The following SPARCL1 variants were observed in gnomAD, a reference collection of about 807,000 sequenced individuals.
SPARCL1 encodes the protein SPARC like 1.
Under a neutral mutation model 67.1 loss-of-function variants are expected in SPARCL1, and 52 were observed. The observed-to-expected ratio is 0.78, with a 90% CI of 0.62 to 0.98. SPARCL1 has a LOEUF of 0.98. Among genes scored for constraint, SPARCL1 ranks in the 50% least tolerant of loss-of-function variants. The pLI is 0.00. For missense variants in SPARCL1, 717 were observed against 782.4 expected, an observed-to-expected ratio of 0.92 and a Z score of 1.00; for synonymous variants, 226 against 267.8, an observed-to-expected ratio of 0.84 and a Z score of 1.52.
intron 1 of SPARCL1, among the ~76,000 whole-genome samples, chr4:87,502,279 AT>A (rs1488671897): frequency 1.3e-5 from 2 of 152,186 alleles, no homozygotes; most frequent in Non-Finnish European, 2.9e-5. Flanking sequence ...TCAAACAGTT[AT>A]TATTTCTTTG....
chr4:87,501,736 C>T (rs1397337756), intron 1 of SPARCL1, among the ~76,000 whole-genome samples: 2 of 151,646 alleles, frequency 1.3e-5, no homozygotes, highest in African/African-American at 4.8e-5. Flanking sequence ...CTCATTAGGC[C>T]CTTTGAATTT....
chr4:87,495,801 G>C (rs1358500990), intron 2 of SPARCL1, among the ~76,000 whole-genome samples: 1 of 152,068 alleles, frequency 6.6e-6, no homozygotes, highest in Admixed American at 6.6e-5. Context: ...TGTGGTGGTG[G>C]GTGCCTGTAA....
chr4:87,523,849 T>C (rs898774110), intron 1 of SPARCL1, among the ~76,000 whole-genome samples: 1 of 152,346 alleles, frequency 6.6e-6, no homozygotes, highest in African/African-American at 2.4e-5. Flanking sequence ...GTTGAGGATG[T>C]TCTCACTAGA....
At chr4:87,476,410 G>A (rs1041384724) in intron 10 of SPARCL1, among the ~76,000 whole-genome samples, 1 of 151,886 alleles carries the variant, frequency 6.6e-6, no homozygotes, top group Non-Finnish European at 1.5e-5. Context: ...GTTCTCATCA[G>A]CTCTTGCCTG....
chr4:87,473,811 A>G lies in SPARCL1; in HGVS notation c.1967-8T>C. 2 of 1,601,232 alleles carry G rather than the reference A, an allele frequency of 1.2e-6. No homozygotes were observed. Among genetic ancestry groups the G allele is most frequent in the Non-Finnish European group, 1.7e-6 (2 of 1,170,598 alleles). ...GATTTTCATCTATGTCCTCTATAAA[A>G]AAACAAGAAGCAAAATGACACTTTT... is the stretch of plus-strand genomic sequence containing the variant. On this transcript the variant is annotated splice_region_variant and splice_polypyrimidine_tract_variant and intron_variant, in intron 10 of 10. Coordinates refer to ENST00000282470, the MANE Select transcript of SPARCL1 (RefSeq NM_004684.6).
chr4:87,479,648 C>G (rs1157806586), intron 9 of SPARCL1, 70 bp from the exon 10 acceptor site: 4 of 1,490,328 alleles, frequency 2.7e-6, no homozygotes, highest in Non-Finnish European at 3.7e-6. Flanking sequence ...TCAGGCTCAC[C>G]AAGGACATTT....
In SPARCL1 at chr4:87,496,022, ATTAGAGGGATGGTCCTAT is replaced by A. The variant is rs201110477; in HGVS notation, c.55-913_55-896del. 1.5e-3 allele frequency among the ~76,000 whole-genome samples: 224 copies of A among 152,236 alleles called. 2 individuals are homozygous for A. In the East Asian group the frequency reaches 0.036, roughly 24 times the overall value. On this transcript the variant is annotated intron_variant, in intron 2 of 10. Coordinates refer to ENST00000282470, the MANE Select transcript of SPARCL1 (RefSeq NM_004684.6). ...GGGCATGTCTGGAGTATTAATTTCT[ATTAGAGGGATGGTCCTAT>A]TTCTAGCAAGATTGGAGACTTGGAT... is the stretch of plus-strand genomic sequence containing the variant.
At chr4:87,504,205 T>TGGGGG (rs1724983967) in intron 1 of SPARCL1, among the ~76,000 whole-genome samples, 5 of 104,622 alleles carry the variant, frequency 4.8e-5, no homozygotes, top group Non-Finnish European at 1.1e-4. Flanking sequence ...GTGGGAGGGT[T>TGGGGG]GAATCAGGGG....
At chr4:87,527,804 T>C (rs908003530) in intron 1 of SPARCL1, among the ~76,000 whole-genome samples, 1 of 152,196 alleles carries the variant, frequency 6.6e-6, no homozygotes, top group Non-Finnish European at 1.5e-5. Flanking sequence ...TGCTCTGCTT[T>C]GCTAGATCTT....
At position 87,513,789 on chromosome 4, in the gene SPARCL1, C is replaced by A. The variant is rs1725472186; in HGVS notation, c.-11-14204G>T. On this transcript the variant is annotated intron_variant, in intron 1 of 10. Coordinates refer to ENST00000282470, the MANE Select transcript of SPARCL1 (RefSeq NM_004684.6). Reference sequence around the variant, plus strand: ...AGCTTCCCAGGAGCTAGTTCCAGAACATATTTACTTTTAGTTCACTCATTA... The same window carrying A: ...AGCTTCCCAGGAGCTAGTTCCAGAAAATATTTACTTTTAGTTCACTCATTA... 3.3e-5 allele frequency among the ~76,000 whole-genome samples: 5 copies of A among 152,206 alleles called. No homozygotes were observed. In the South Asian group the frequency reaches 1.0e-3, roughly 32 times the overall value.
chr4:87,475,245 A>G (rs954986815), intron 10 of SPARCL1, among the ~76,000 whole-genome samples: 1 of 152,128 alleles, frequency 6.6e-6, no homozygotes, highest in Non-Finnish European at 1.5e-5. Flanking sequence ...CCATTCCACC[A>G]GAACTACTCT....
chr4:87,503,683 C>CTTTTTTTTTTTTTTTTTTTTTTTTTT (rs60057481), intron 1 of SPARCL1, among the ~76,000 whole-genome samples: 1 of 138,056 alleles, frequency 7.2e-6, no homozygotes. Context: ...TTTTTTTTTC[C>CTTTTTTTTTTTTTTTTTTTTTTTTTT]TTTTTTTTTT....
rs556665108 is a variant in SPARCL1, at chr4:87,489,667, G to T, written c.1531+606C>A. 8.5e-5 allele frequency among the ~76,000 whole-genome samples: 13 copies of T among 152,260 alleles called. 1 individual carries two copies. In the South Asian group the frequency reaches 2.7e-3, roughly 32 times the overall value. On this transcript the variant is annotated intron_variant, in intron 7 of 10. Coordinates refer to ENST00000282470, the MANE Select transcript of SPARCL1 (RefSeq NM_004684.6). ...GCTTCTGCCCAGAACTCACATAGAT[G>T]ACTTTTTTCACATTTCCCTGGACAA...
intron 1 of SPARCL1, among the ~76,000 whole-genome samples, chr4:87,508,227 C>G (rs201180505): frequency 1.1e-4 from 15 of 142,098 alleles, no homozygotes; most frequent in Non-Finnish European, 2.0e-4. Flanking sequence ...TTTTTTTTTT[C>G]CTTTGAGGTG....
intron 10 of SPARCL1, among the ~76,000 whole-genome samples, chr4:87,475,010 G>A (rs935608222): frequency 6.6e-6 from 1 of 152,158 alleles, no homozygotes; most frequent in Admixed American, 6.5e-5. Context: ...CCAAAGTGCT[G>A]GGATTACAGG....
At chr4:87,497,301 G>T in intron 2 of SPARCL1, 1 of 830,858 alleles carries the variant, frequency 1.2e-6, no homozygotes. Flanking sequence ...GGGAAAAGGA[G>T]AAAGAATGGT....
At chr4:87,476,196 C>G (rs911846706) in intron 10 of SPARCL1, among the ~76,000 whole-genome samples, 6 of 152,206 alleles carry the variant, frequency 3.9e-5, no homozygotes, top group Admixed American at 6.5e-5. Flanking sequence ...CCTCTATTTA[C>G]CCTGCCTGCT....
In SPARCL1 at chr4:87,480,353, A is replaced by G. The variant is rs1436835998; in HGVS notation, c.1817+19T>C. The G allele has an allele frequency of 6.5e-7, 1 of 1,530,566 alleles. No homozygotes were observed. The highest frequency in any genetic ancestry group is 2.3e-5 in the East Asian group (1 of 43,420). The allele number at this position is 1,530,566 out of a possible 1,614,324, so 94.8% of individuals were successfully genotyped here. On this transcript the variant is annotated intron_variant, in intron 9 of 10. Transcript: ENST00000282470. ...ATCAGAGAGATAAATCTAGAAATGGAAAGGTAAAGAGTTCTTACCTATCCA... is the reference window on the plus strand; with the variant it reads ...ATCAGAGAGATAAATCTAGAAATGGGAAGGTAAAGAGTTCTTACCTATCCA...
At chr4:87,522,501 C>T (rs1021726408) in intron 1 of SPARCL1, among the ~76,000 whole-genome samples, 7 of 151,954 alleles carry the variant, frequency 4.6e-5, no homozygotes, top group Admixed American at 1.3e-4. Context: ...TTCCACTGCT[C>T]TGCCCTTGCT....
Sources: gnomAD v4.1 joint callset for allele counts (sites outside exome capture counted in the v4.1 genomes callset) on GRCh38, gnomAD v4.1.1 for gene constraint, MANE v1.5 for transcripts, NCBI Gene and HGNC (gene_info 2026-07-23, HGNC 2026-07-21) for gene names.